Variants in RP1 observed in about 807,000 individuals in gnomAD.
The protein encoded by RP1 is oxygen-regulated protein 1.
In RP1, 16 loss-of-function variants were observed where a neutral mutation model predicts 14.8. The observed-to-expected ratio is 1.08, with a 90% CI of 0.73 to 1.65. The LOEUF (loss-of-function observed/expected upper bound fraction) is 1.65, where lower values mean the gene tolerates loss of function less well. RP1 is among the 40% of genes most tolerant of loss of function. The pLI is 0.00. For missense variants in RP1, 2,631 were observed against 2,535.0 expected (o/e 1.04, Z -0.81); for synonymous variants, 876 against 883.6 (o/e 0.99, Z 0.15).
chr8:54,670,033 A>G (rs1807116577), intron 7 of RP1, among the ~76,000 whole-genome samples: 1 of 152,176 alleles, frequency 6.6e-6, no homozygotes, highest in East Asian at 1.9e-4. Flanking sequence ...ATAATAATAA[A>G]ATAAAAACCA....
rs749819124 is a variant in RP1 at position 54,627,701 on chromosome 8, A to G, written c.3819A>G (p.Thr1273=). The change falls in exon 4 of 4, where the codon ACA becomes ACG. Residue 1273 remains threonine, a synonymous_variant. Transcript: ENST00000220676. ...TVNKAYSPKE[T]CNPSDTFFPS... is the part of the protein sequence containing the mutation. ...ATAAGGCTTATTCTCCAAAAGAGAC[A>G]TGTAACCCCAGTGACACTTTTTTTC... The G allele has an allele frequency of 1.2e-6, 2 of 1,614,168 alleles. No individual in the cohort carries two copies. The highest frequency in any genetic ancestry group is 1.1e-5 in the South Asian group (1 of 91,082).
chr8:54,753,783 A>G (rs1365341439), intron 19 of RP1, among the ~76,000 whole-genome samples: 1 of 152,146 alleles, frequency 6.6e-6, no homozygotes, highest in African/African-American at 2.4e-5. Context: ...TTTCTGTTTT[A>G]AAATAGTCTC....
At chr8:54,633,710 CCTCT>C (rs3077384), downstream of RP1, among the ~76,000 whole-genome samples, 743 of 118,464 alleles carry the variant, frequency 6.3e-3, 4 homozygotes, top group South Asian at 0.012. Context: ...TTATTTTGTG[CCTCT>C]CTCTCTCTCT....
At chr8:54,763,577 G>A (rs1187830619) in intron 22 of RP1, among the ~76,000 whole-genome samples, 2 of 152,218 alleles carry the variant, frequency 1.3e-5, no homozygotes, top group African/African-American at 4.8e-5. Flanking sequence ...CTACTCGGGA[G>A]GCTGAGGCAG....
chr8:54,572,826 C>T (rs1384219248), intron 1 of RP1, among the ~76,000 whole-genome samples: 1 of 152,144 alleles, frequency 6.6e-6, no homozygotes, highest in Non-Finnish European at 1.5e-5. Flanking sequence ...CCCTGCTGGG[C>T]TGGTGGTGTT....
At chr8:54,567,772 G>C (rs1433068631) in intron 1 of RP1, among the ~76,000 whole-genome samples, 1 of 152,162 alleles carries the variant, frequency 6.6e-6, no homozygotes, top group Non-Finnish European at 1.5e-5. Context: ...GGTGTGATCT[G>C]TGATTACTTC....
intron 12 of RP1, among the ~76,000 whole-genome samples, chr8:54,684,308 G>C (rs2129336870): frequency 6.6e-6 from 1 of 152,230 alleles, no homozygotes; most frequent in African/African-American, 2.4e-5. Context: ...TTTGCTATCA[G>C]AATGATGCTG....
At chr8:54,801,587 G>A (rs538354975) in intron 24 of RP1, among the ~76,000 whole-genome samples, 18 of 151,880 alleles carry the variant, frequency 1.2e-4, no homozygotes, top group Admixed American at 3.3e-4. Context: ...CTTGGCTGCC[G>A]TTACTACCCC....
intron 1 of RP1, among the ~76,000 whole-genome samples, chr8:54,583,576 T>C (rs918932489): frequency 6.6e-6 from 1 of 152,248 alleles, no homozygotes; most frequent in African/African-American, 2.4e-5. Flanking sequence ...GAAGGAATGG[T>C]ACCAGTTCCT....
chr8:54,823,600 GATTACAGA>G (rs376288318), intron 24 of RP1, among the ~76,000 whole-genome samples: 183 of 152,232 alleles, frequency 1.2e-3, no homozygotes, highest in African/African-American at 4.2e-3. Flanking sequence ...AAAATACTGG[GATTACAGA>G]CATGAGCCAC....
chr8:54,844,136 A>G (rs1266397448), intron 25 of RP1, among the ~76,000 whole-genome samples: 1 of 152,114 alleles, frequency 6.6e-6, no homozygotes, highest in Non-Finnish European at 1.5e-5. Flanking sequence ...TTTTCCCGAG[A>G]TGAAAGAAAG....
At chr8:54,858,039 A>C (rs1812246777) in intron 27 of RP1, among the ~76,000 whole-genome samples, 1 of 152,200 alleles carries the variant, frequency 6.6e-6, no homozygotes, top group African/African-American at 2.4e-5. Context: ...TGTAGTATTC[A>C]TCTTCATTTT....
intron 26 of RP1, among the ~76,000 whole-genome samples, chr8:54,853,785 A>G (rs1198827380): frequency 6.7e-6 from 1 of 149,462 alleles, no homozygotes; most frequent in Admixed American, 6.6e-5. Context: ...GAAGGAAGAG[A>G]AAGAAAGAGA....
rs1231317599 is a variant in RP1 at position 54,630,241 on chromosome 8, G to C, written c.6359G>C (p.Arg2120Thr). 6.2e-7 allele frequency: 1 copy of C among 1,613,594 alleles called. No individual in the cohort carries two copies. Among genetic ancestry groups the C allele is most frequent in the African/African-American group, 1.3e-5 (1 of 75,032 alleles). ...QVETSLNISN[R>T]NILELCMFEG... ...GAGACCTCCTTAAATATTAGCAACA[G>C]AAATATTTTAGAACTTTGTATGTTT... The change falls in exon 4 of 4, where the codon AGA (arginine) becomes ACA (threonine). Residue 2120 changes from arginine (R) to threonine (T), a missense_variant. Transcript: ENST00000220676.
intron 18 of RP1, among the ~76,000 whole-genome samples, chr8:54,737,757 C>A (rs922864426): frequency 2.0e-5 from 3 of 152,104 alleles, no homozygotes; most frequent in African/African-American, 4.8e-5. Context: ...AAAAAGAATT[C>A]TAAGCATGGG....
At chr8:54,763,567 C>T (rs1316497574) in intron 22 of RP1, among the ~76,000 whole-genome samples, 4 of 152,146 alleles carry the variant, frequency 2.6e-5, no homozygotes, top group Non-Finnish European at 5.9e-5. Context: ...GTAATCCCAG[C>T]TACTCGGGAG....
chr8:54,589,070 G>T (rs1417897264), intron 1 of RP1, among the ~76,000 whole-genome samples: 1 of 152,052 alleles, frequency 6.6e-6, no homozygotes, highest in African/African-American at 2.4e-5. Flanking sequence ...CTACCATACT[G>T]CTTCCTAGAG....
At chr8:54,664,215 G>C (rs1444084835) in intron 7 of RP1, among the ~76,000 whole-genome samples, 1 of 152,104 alleles carries the variant, frequency 6.6e-6, no homozygotes, top group African/African-American at 2.4e-5. Flanking sequence ...GCATGTGACA[G>C]TATTTCCTTT....
chr8:54,749,876 G>T (rs764123059), intron 19 of RP1, among the ~76,000 whole-genome samples: 5 of 147,336 alleles, frequency 3.4e-5, no homozygotes, highest in Non-Finnish European at 3.0e-5. Flanking sequence ...TTTTTTTTTT[G>T]AAGTTAGAGG....
Sources: allele counts gnomAD v4.1 joint callset (sites outside exome capture counted in the v4.1 genomes callset), GRCh38; gene constraint gnomAD v4.1.1; transcripts MANE v1.5; gene names NCBI Gene and HGNC (gene_info 2026-07-23, HGNC 2026-07-21).